The following MAOA variants were observed in gnomAD, a reference collection of about 807,000 sequenced individuals.
MAOA encodes amine oxidase [flavin-containing] A.
MAOA carries 6 observed loss-of-function variants against 42.0 expected under a neutral mutation model. The ratio of observed to expected loss-of-function variants is 0.14; its 90% CI spans 0.08 to 0.28. The LOEUF is 0.28. MAOA is among the 10% of genes least tolerant of loss of function. The pLI, the probability that MAOA is intolerant of heterozygous loss-of-function variation, is 1.00. For missense variants in MAOA, 262 were observed against 422.3 expected, an observed-to-expected ratio of 0.62 and a Z score of 3.33; for synonymous variants, 140 against 154.0, an observed-to-expected ratio of 0.91 and a Z score of 0.67.
chrX:43,709,057 T>A (rs1424823423), intron 3 of MAOA, among the ~76,000 whole-genome samples: 1 of 110,205 alleles, frequency 9.1e-6, no homozygotes, highest in Non-Finnish European at 1.9e-5. Flanking sequence ...AGAGACAGGG[T>A]TTTGCCATGT....
chrX:43,741,082 C>G (rs775310404), intron 11 of MAOA, among the ~76,000 whole-genome samples: 1 of 111,346 alleles, frequency 9.0e-6, no homozygotes, highest in Admixed American at 9.6e-5. Context: ...ACCTGCTGCA[C>G]AATTAAATTC....
chrX:43,720,261 C>G lies in MAOA; in HGVS notation c.503+7465C>G, dbSNP rs751807534. On this transcript the variant is annotated intron_variant, in intron 5 of 14. Transcript: ENST00000338702. ...AATGACCTACAGGAGAAGGGGGAGA[C>G]AGGGTGGATTGGCTTTGGAGAGGGC... 3.7e-5 allele frequency among the ~76,000 whole-genome samples: 4 copies of G among 109,545 alleles called. No individual in the cohort carries two copies. The East Asian group carries it at 1.2e-3, about 32-fold the overall frequency.
At chrX:43,693,568 T>C (rs150872284) in intron 3 of MAOA, 140 bp downstream of exon 3, 21,006 of 663,954 alleles carry the variant, frequency 0.032, 1,192 homozygotes, top group East Asian at 0.22. Flanking sequence ...GCCTTTCTTT[T>C]CTTGTTTTCT....
chrX:43,674,967 G>C (rs2033379533), intron 1 of MAOA, among the ~76,000 whole-genome samples: 1 of 111,530 alleles, frequency 9.0e-6, no homozygotes, highest in African/African-American at 3.3e-5. Flanking sequence ...GGTGTTCTCT[G>C]TATTTCCTGA....
intron 3 of MAOA, among the ~76,000 whole-genome samples, chrX:43,709,153 C>T (rs988909275): frequency 3.6e-5 from 4 of 110,857 alleles, no homozygotes; most frequent in African/African-American, 9.8e-5. Flanking sequence ...TGTGAGCCAC[C>T]GCCTCTTCTT....
chrX:43,724,106 A>G (rs975487532), intron 5 of MAOA, among the ~76,000 whole-genome samples: 1 of 111,743 alleles, frequency 8.9e-6, no homozygotes, highest in African/African-American at 3.3e-5. Flanking sequence ...GGATTTTCGC[A>G]TCAATGTTCA....
chrX:43,684,490 C>T (rs983279441), intron 2 of MAOA, among the ~76,000 whole-genome samples: 1 of 110,409 alleles, frequency 9.1e-6, no homozygotes, highest in Non-Finnish European at 1.9e-5. Context: ...AGTCAGTGGA[C>T]GAAAGAGGAA....
chrX:43,672,793 C>A (rs1485013367), intron 1 of MAOA, among the ~76,000 whole-genome samples: 3 of 111,306 alleles, frequency 2.7e-5, no homozygotes, highest in Non-Finnish European at 5.7e-5. Context: ...AGGGATGAAG[C>A]CCACTTGATC....
upstream of MAOA, chrX:43,655,614 TC>T (rs1011885178): frequency 1.8e-5 from 2 of 110,187 alleles, no homozygotes; most frequent in Non-Finnish European, 3.8e-5. Context: ...GCCCGTAAAC[TC>T]CCCCGTAGAG....
chrX:43,687,695 A>T (rs2033498003), intron 2 of MAOA, among the ~76,000 whole-genome samples: 1 of 110,831 alleles, frequency 9.0e-6, no homozygotes, highest in Admixed American at 9.5e-5. Flanking sequence ...TTGCATAGAC[A>T]TCTCAAACGT....
chrX:43,729,492 C>A (rs1200540511), intron 6 of MAOA, among the ~76,000 whole-genome samples: 1 of 111,877 alleles, frequency 8.9e-6, no homozygotes, highest in Non-Finnish European at 1.9e-5. Flanking sequence ...GGACAGTGAA[C>A]AAGACAGAAA....
At chrX:43,660,021 G>A (rs1569187839) in intron 1 of MAOA, among the ~76,000 whole-genome samples, 1 of 111,335 alleles carries the variant, frequency 9.0e-6, no homozygotes, top group African/African-American at 3.3e-5. Context: ...TATTCATAAC[G>A]TGAATAATGT....
chrX:43,738,042 A>G (rs2033933225), intron 10 of MAOA, among the ~76,000 whole-genome samples: 1 of 112,180 alleles, frequency 8.9e-6, no homozygotes, highest in Non-Finnish European at 1.9e-5. Flanking sequence ...AAATATCCCA[A>G]AAGATGTTTG....
rs1243620241 is a variant in MAOA, at chrX:43,691,446, G to GA, written c.169-1841dup. Among the ~76,000 whole-genome samples, 5 of 111,404 alleles carry GA rather than the reference G, an allele frequency of 4.5e-5. No homozygotes were observed. In the Admixed American group the frequency reaches 4.8e-4, roughly 11 times the overall value. ...CTGATGCAATAAAGAATAATTAAAT[G>GA]AAAAGAAGATGCCATGAACATTAAA... On this transcript the variant is annotated intron_variant, in intron 2 of 14. Coordinates refer to ENST00000338702, the MANE Select transcript of MAOA (RefSeq NM_000240.4).
intron 2 of MAOA, among the ~76,000 whole-genome samples, chrX:43,687,190 T>C (rs1359694485): frequency 1.8e-5 from 2 of 112,165 alleles, no homozygotes; most frequent in East Asian, 5.6e-4. Context: ...AAGACTGAGG[T>C]GCAACACAGT....
chrX:43,707,528 A>G (rs981999192), intron 3 of MAOA, among the ~76,000 whole-genome samples: 7 of 112,042 alleles, frequency 6.2e-5, no homozygotes, highest in Non-Finnish European at 1.3e-4. Flanking sequence ...GAGTGAAGCT[A>G]TGTATGTTTG....
At chrX:43,675,549 G>T (rs1255523237) in intron 1 of MAOA, among the ~76,000 whole-genome samples, 2 of 112,207 alleles carry the variant, frequency 1.8e-5, no homozygotes, top group Admixed American at 1.9e-4. Context: ...TTTCTGTTCT[G>T]TTATTTCCCC....
rs180884622 is a variant in MAOA, at chrX:43,732,297, G to A, written c.956-402G>A. 8.3e-3 allele frequency among the ~76,000 whole-genome samples: 928 copies of A among 111,930 alleles called. 12 individuals are homozygous for A. The highest frequency in any genetic ancestry group is 0.029 in the African/African-American group (890 of 30,771). ...TGAGGCAGGATCTTGGACTTAGAAA[G>A]CTGCCCAGATATGGTGGCTACTGTT... is the stretch of plus-strand genomic sequence containing the variant. On this transcript the variant is annotated intron_variant, in intron 8 of 14. Coordinates refer to ENST00000338702, the MANE Select transcript of MAOA (RefSeq NM_000240.4).
chrX:43,660,103 C>T (rs1364079967), intron 1 of MAOA, among the ~76,000 whole-genome samples: 1 of 111,302 alleles, frequency 9.0e-6, no homozygotes. Flanking sequence ...TCACCAATGT[C>T]TATTATTCCA....
Sources: allele counts gnomAD v4.1 joint callset (sites outside exome capture counted in the v4.1 genomes callset), GRCh38; gene constraint gnomAD v4.1.1; transcripts MANE v1.5; gene names NCBI Gene and HGNC (gene_info 2026-07-23, HGNC 2026-07-21).